MEF2A: variants seen among roughly 807,000 people sequenced by gnomAD.
The protein encoded by MEF2A is myocyte-specific enhancer factor 2A.
In MEF2A, 28 loss-of-function variants were observed where a neutral mutation model predicts 55.8. That is an observed-to-expected ratio of 0.50 (90% CI 0.37 to 0.69). The LOEUF (loss-of-function observed/expected upper bound fraction) is 0.69. Ranked by LOEUF, MEF2A falls within the 30% of genes least tolerant of loss-of-function variation. MEF2A has a pLI of 0.00. For synonymous variants in MEF2A, 239 were observed against 227.1 expected (o/e 1.05, Z -0.47); for missense variants, 528 against 626.2 (o/e 0.84, Z 1.67).
intron 3 of MEF2A, among the ~76,000 whole-genome samples, chr15:99,634,830 A>G (rs774718602): frequency 6.6e-5 from 10 of 152,256 alleles, no homozygotes; most frequent in Non-Finnish European, 8.8e-5. Flanking sequence ...GGCAAGGACT[A>G]TCTGAATTTC....
At chr15:99,659,083 C>T (rs1474683052) in intron 4 of MEF2A, among the ~76,000 whole-genome samples, 1 of 152,104 alleles carries the variant, frequency 6.6e-6, no homozygotes, top group Non-Finnish European at 1.5e-5. Flanking sequence ...AGTGAAGAAC[C>T]AAGCTCCAGG....
At chr15:99,690,621 C>CT in intron 8 of MEF2A, 193 bp downstream of exon 8, 1 of 714,960 alleles carries the variant, frequency 1.4e-6, no homozygotes, top group Non-Finnish European at 2.5e-6. Flanking sequence ...TGGAAATTTG[C>CT]TTAACAGTTA....
chr15:99,672,261 A>T (rs2051039266), intron 5 of MEF2A, among the ~76,000 whole-genome samples: 2 of 152,344 alleles, frequency 1.3e-5, no homozygotes, highest in South Asian at 4.1e-4. Context: ...TATGCTGTAG[A>T]TACTAAGGAA....
At chr15:99,691,100 G>GTTTTTTTTTTTTTT (rs3979130) in intron 8 of MEF2A, among the ~76,000 whole-genome samples, 1 of 122,912 alleles carries the variant, frequency 8.1e-6, no homozygotes, top group African/African-American at 3.0e-5. Flanking sequence ...TTCGAATCAG[G>GTTTTTTTTTTTTTT]TTTTTTTTTT....
In MEF2A at chr15:99,708,362, A is replaced by C. The variant is rs149635133; in HGVS notation, c.1009+1507A>C. Among the ~76,000 whole-genome samples the C allele has an allele frequency of 1.7e-4, 26 of 152,288 alleles. 1 individual carries two copies. Among genetic ancestry groups the C allele is most frequent in the African/African-American group, 6.3e-4 (26 of 41,556 alleles). On this transcript the variant is annotated intron_variant, in intron 10 of 11. Coordinates refer to ENST00000557942, the MANE Select transcript of MEF2A (RefSeq NM_001319206.4). ...CTGGGTGTCAGATTATGGTTTACTG[A>C]CCGTTTCATTACAGGTTTTTCAGTA...
intron 3 of MEF2A, among the ~76,000 whole-genome samples, chr15:99,637,390 G>C (rs2044072024): frequency 6.6e-6 from 1 of 151,938 alleles, no homozygotes; most frequent in South Asian, 2.1e-4. Context: ...CTACATTTTT[G>C]TTATATTTAT....
chr15:99,655,691 G>C (rs906384439), intron 4 of MEF2A, among the ~76,000 whole-genome samples: 4 of 152,092 alleles, frequency 2.6e-5, no homozygotes, highest in Non-Finnish European at 5.9e-5. Flanking sequence ...TTTGAATGGA[G>C]AGGGGAGATT....
chr15:99,676,202 A>G (rs192069241), intron 7 of MEF2A, among the ~76,000 whole-genome samples: 9 of 152,346 alleles, frequency 5.9e-5, no homozygotes, highest in African/African-American at 2.2e-4. Flanking sequence ...AAATATTTTA[A>G]TGGAATTAAA....
At chr15:99,609,254 G>A (rs1976279354) in intron 2 of MEF2A, among the ~76,000 whole-genome samples, 2 of 152,184 alleles carry the variant, frequency 1.3e-5, no homozygotes, top group South Asian at 4.1e-4. Flanking sequence ...TCAATGCTGT[G>A]TGTATTTTTG....
rs1024307985 is a variant in MEF2A, at chr15:99,706,972, G to A, written c.1009+117G>A. 1.5e-5 allele frequency: 19 copies of A among 1,260,430 alleles called. No homozygotes were observed. The Admixed American group carries it at 5.2e-4, about 34-fold the overall frequency. 78.1% of individuals were successfully genotyped at this position (1,260,430 alleles called of 1,614,324 possible). A position where few individuals can be genotyped will look rare whatever the true frequency, so the allele number is the denominator to read the frequency against. On this transcript the variant is annotated intron_variant, in intron 10 of 11. Coordinates refer to ENST00000557942, the MANE Select transcript of MEF2A (RefSeq NM_001319206.4). ...GAAATAAACTATTTCCAGTTTTTTA[G>A]ATTTAAATTAGGATGTATTTTTCAA... is the stretch of plus-strand genomic sequence containing the variant.
At chr15:99,678,339 A>G (rs1302294695) in intron 7 of MEF2A, among the ~76,000 whole-genome samples, 2 of 152,224 alleles carry the variant, frequency 1.3e-5, no homozygotes, top group Middle Eastern at 3.4e-3. Context: ...CATGTGCTCA[A>G]TTTTTGTCTG....
chr15:99,593,254 C>T (rs924615905), intron 1 of MEF2A, among the ~76,000 whole-genome samples: 1 of 152,116 alleles, frequency 6.6e-6, no homozygotes, highest in Non-Finnish European at 1.5e-5. Context: ...CGTGAGTCTC[C>T]GTATTCTTCT....
At chr15:99,593,420 A>G (rs372607876) in intron 1 of MEF2A, among the ~76,000 whole-genome samples, 5 of 152,242 alleles carry the variant, frequency 3.3e-5, no homozygotes, top group African/African-American at 1.2e-4. Context: ...GTTTAGTTCA[A>G]TGGGAGAGCA....
intron 4 of MEF2A, among the ~76,000 whole-genome samples, chr15:99,655,250 A>G (rs2047510162): frequency 6.6e-6 from 1 of 152,178 alleles, no homozygotes; most frequent in South Asian, 2.1e-4. Flanking sequence ...CAAAAGAGCC[A>G]AGGTAAATCA....
intron 2 of MEF2A, among the ~76,000 whole-genome samples, chr15:99,630,723 T>C (rs554953100): frequency 1.9e-4 from 29 of 152,222 alleles, no homozygotes; most frequent in Non-Finnish European, 2.8e-4. Context: ...ATTGCCTTAA[T>C]CGAATGAGGG....
Position 99,713,499 on chromosome 15 carries a change from A to T in MEF2A, c.*728A>T. 6.6e-6 allele frequency: 1 copy of T among 152,472 alleles called. No homozygotes were observed. Among genetic ancestry groups the T allele is most frequent in the African/African-American group, 2.4e-5 (1 of 41,470 alleles). 9.4% of individuals were successfully genotyped at this position (152,472 alleles called of 1,614,324 possible). On this transcript the variant is annotated 3_prime_UTR_variant, in exon 12 of 12. Coordinates refer to ENST00000557942, the MANE Select transcript of MEF2A (RefSeq NM_001319206.4). Reference sequence around the variant, plus strand: ...ATTAACAAAGTAAAATTAATATATTAAGTTATAATTGGAATATGTCAGAAG... The same window carrying T: ...ATTAACAAAGTAAAATTAATATATTTAGTTATAATTGGAATATGTCAGAAG...
chr15:99,567,626 A>AATGT (rs1567124507), intron 1 of MEF2A, among the ~76,000 whole-genome samples: 14 of 122,014 alleles, frequency 1.1e-4, no homozygotes, highest in African/African-American at 4.6e-4. Context: ...TTTTGTATGT[A>AATGT]CTGTGTGTGT....
chr15:99,624,626 T>G (rs2153327304), intron 2 of MEF2A, among the ~76,000 whole-genome samples: 1 of 152,328 alleles, frequency 6.6e-6, no homozygotes, highest in East Asian at 1.9e-4. Context: ...AACTTTGTTC[T>G]TTTTCAAGAT....
intron 1 of MEF2A, among the ~76,000 whole-genome samples, chr15:99,579,890 T>G (rs897459513): frequency 2.6e-5 from 4 of 152,162 alleles, no homozygotes; most frequent in Non-Finnish European, 5.9e-5. Flanking sequence ...TCTTTTTCCT[T>G]TTACCTTACA....
Sources: allele counts gnomAD v4.1 joint callset (sites outside exome capture counted in the v4.1 genomes callset), GRCh38; gene constraint gnomAD v4.1.1; transcripts MANE v1.5; gene names NCBI Gene and HGNC (gene_info 2026-07-23, HGNC 2026-07-21).